STIM1: variants seen among roughly 807,000 people sequenced by gnomAD.
STIM1 encodes the protein stromal interaction molecule 1.
Under a neutral mutation model 74.7 loss-of-function variants are expected in STIM1, and 25 were observed. The ratio of observed to expected loss-of-function variants is 0.33; its 90% CI spans 0.24 to 0.47. The LOEUF is 0.47. Ranked by LOEUF, STIM1 falls within the 20% of genes least tolerant of loss-of-function variation. The pLI is 1.00. For synonymous variants in STIM1, 328 were observed against 348.8 expected (o/e 0.94, Z 0.66); for missense variants, 728 against 920.8 (o/e 0.79, Z 2.71).
intron 2 of STIM1, among the ~76,000 whole-genome samples, chr11:3,991,977 A>C (rs1335604391): frequency 2.5e-4 from 38 of 149,084 alleles, no homozygotes; most frequent in African/African-American, 8.9e-4. Flanking sequence ...AAAAAAGAAA[A>C]AAAAAAAAAA....
intron 5 of STIM1, among the ~76,000 whole-genome samples, chr11:4,069,334 G>C (rs1425583718): frequency 1.3e-5 from 2 of 152,140 alleles, no homozygotes; most frequent in African/African-American, 2.4e-5. Context: ...GGCCCTCGTG[G>C]TTCACTGAAT....
intron 1 of STIM1, among the ~76,000 whole-genome samples, chr11:3,952,075 G>A (rs1326733040): frequency 6.6e-6 from 1 of 152,056 alleles, no homozygotes; most frequent in Non-Finnish European, 1.5e-5. Context: ...TAGACACAGG[G>A]GAATACCAGA....
At position 3,856,123 on chromosome 11, in the gene STIM1, A is replaced by AG; in HGVS notation, c.-143dup. 3.0e-6 allele frequency: 3 copies of AG among 1,011,026 alleles called. No homozygotes were observed. The highest frequency in any genetic ancestry group is 4.5e-6 in the Non-Finnish European group (3 of 665,716). The allele number at this position is 1,011,026 out of a possible 1,614,324, so 62.6% of individuals were successfully genotyped here. A position where few individuals can be genotyped will look rare whatever the true frequency, so the allele number is the denominator to read the frequency against. On this transcript the variant is annotated 5_prime_UTR_variant, in exon 1 of 13. Coordinates refer to ENST00000526596, the MANE Select transcript of STIM1 (RefSeq NM_001382567.1). The stretch of plus-strand genomic sequence containing the variant: ...GGAGCACTTGACCTTTGGCTGTTGG[A>AG]GGGGGCAGGCTCGCGGGTGGCTGGA...
intron 2 of STIM1, among the ~76,000 whole-genome samples, chr11:4,011,916 G>A (rs901936902): frequency 6.6e-6 from 1 of 152,152 alleles, no homozygotes. Context: ...TGTAAGGAAG[G>A]GATCCAGTTT....
At chr11:3,909,066 C>A (rs2092516599) in intron 1 of STIM1, among the ~76,000 whole-genome samples, 1 of 152,146 alleles carries the variant, frequency 6.6e-6, no homozygotes, top group Non-Finnish European at 1.5e-5. Flanking sequence ...TACTTTGGGC[C>A]AGTTGCTTCA....
At chr11:3,907,542 T>C (rs193201631) in intron 1 of STIM1, among the ~76,000 whole-genome samples, 66 of 152,340 alleles carry the variant, frequency 4.3e-4, no homozygotes, top group Non-Finnish European at 7.6e-4. Flanking sequence ...GTCTCTTGCC[T>C]GGTGAGATAA....
chr11:3,941,320 A>G (rs1237793950), intron 1 of STIM1, among the ~76,000 whole-genome samples: 2 of 152,178 alleles, frequency 1.3e-5, no homozygotes, highest in African/African-American at 4.8e-5. Flanking sequence ...AGGCCTGCAT[A>G]AAGTGATATT....
Position 4,055,531 on chromosome 11 carries a change from A to G in STIM1, c.391A>G (p.Asn131Asp). ...TTGCTTGTCTCTTTTCACAGTATAC[A>G]ATTGGACCGTGGATGAGGTGGTACA... ...WKAWKSSEVY[N>D]WTVDEVVQWL... The change falls in exon 4 of 13, where the codon AAT becomes GAT. Residue 131 changes from asparagine to aspartate, a missense_variant. Coordinates refer to ENST00000526596, the MANE Select transcript of STIM1 (RefSeq NM_001382567.1). 3 of 1,595,164 alleles carry G rather than the reference A, an allele frequency of 1.9e-6. No homozygotes were observed. The highest frequency in any genetic ancestry group is 2.6e-6 in the Non-Finnish European group (3 of 1,171,304).
intron 2 of STIM1, among the ~76,000 whole-genome samples, chr11:4,001,642 G>C (rs2093718550): frequency 6.6e-6 from 1 of 152,146 alleles, no homozygotes; most frequent in South Asian, 2.1e-4. Context: ...ATACCAAAAT[G>C]TAAAGACCAT....
At chr11:4,012,935 AG>A (rs2093853707) in intron 2 of STIM1, among the ~76,000 whole-genome samples, 1 of 152,158 alleles carries the variant, frequency 6.6e-6, no homozygotes, top group Non-Finnish European at 1.5e-5. Context: ...TTAGCATGAA[AG>A]GCTGTTGAAT....
At chr11:4,028,155 T>C (rs1034578139) in intron 3 of STIM1, among the ~76,000 whole-genome samples, 7 of 152,064 alleles carry the variant, frequency 4.6e-5, no homozygotes, top group African/African-American at 1.7e-4. Context: ...TGATCTTTGC[T>C]CACTGCAGCC....
chr11:4,063,052 C>G (rs961787992), intron 5 of STIM1, among the ~76,000 whole-genome samples: 4 of 152,008 alleles, frequency 2.6e-5, no homozygotes, highest in African/African-American at 7.3e-5. Context: ...TATAAAATGC[C>G]CAGAACACAC....
chr11:4,028,382 A>G (rs1048896007), intron 3 of STIM1, among the ~76,000 whole-genome samples: 4 of 151,168 alleles, frequency 2.6e-5, no homozygotes, highest in African/African-American at 9.7e-5. Flanking sequence ...GTGCCTGGTG[A>G]ATATTTCTTT....
intron 6 of STIM1, among the ~76,000 whole-genome samples, chr11:4,071,103 GAGTGT>G (rs2094400727): frequency 6.6e-6 from 1 of 152,204 alleles, no homozygotes; most frequent in South Asian, 2.1e-4. Flanking sequence ...TGTTAAGGTT[GAGTGT>G]ATAGGGTGGG....
At chr11:3,977,424 G>C (rs1045388271) in intron 2 of STIM1, among the ~76,000 whole-genome samples, 2 of 152,186 alleles carry the variant, frequency 1.3e-5, no homozygotes, top group Admixed American at 1.3e-4. Context: ...AGGGTTATGA[G>C]CTTATGCTCT....
intron 1 of STIM1, among the ~76,000 whole-genome samples, chr11:3,927,594 G>A (rs894399240): frequency 2.0e-5 from 3 of 152,190 alleles, no homozygotes; most frequent in Non-Finnish European, 4.4e-5. Flanking sequence ...CTGAAGAGCT[G>A]TGATGCAAAG....
intron 2 of STIM1, among the ~76,000 whole-genome samples, chr11:3,986,150 T>C (rs772828656): frequency 6.6e-6 from 1 of 152,106 alleles, no homozygotes; most frequent in Non-Finnish European, 1.5e-5. Context: ...TCTCACATAT[T>C]ACTGAGGCAA....
intron 1 of STIM1, among the ~76,000 whole-genome samples, chr11:3,900,919 G>T (rs377014651): frequency 3.3e-5 from 5 of 152,284 alleles, no homozygotes; most frequent in African/African-American, 1.2e-4. Flanking sequence ...GGCTAGGCAC[G>T]GTGGCTCACA....
At chr11:4,070,534 T>C (rs561145585) in intron 6 of STIM1, among the ~76,000 whole-genome samples, 2 of 152,340 alleles carry the variant, frequency 1.3e-5, no homozygotes, top group African/African-American at 4.8e-5. Context: ...TCTCCTAGCA[T>C]ATAAATAGAT....
Sources: allele counts gnomAD v4.1 joint callset (sites outside exome capture counted in the v4.1 genomes callset), GRCh38; gene constraint gnomAD v4.1.1; transcripts MANE v1.5; gene names NCBI Gene and HGNC (gene_info 2026-07-23, HGNC 2026-07-21).